The following MEI4 variants were observed in gnomAD, a reference collection of about 807,000 sequenced individuals.
MEI4 encodes the protein meiotic double-stranded break formation protein 4, also known as meiosis-specific protein MEI4.
A neutral mutation model predicts 31.4 loss-of-function variants in MEI4; 27 were observed. That is an observed-to-expected ratio of 0.86 (90% CI 0.63 to 1.19). The LOEUF (loss-of-function observed/expected upper bound fraction) is 1.19, where lower values mean the gene tolerates loss of function less well. Among genes scored for constraint, MEI4 ranks in the 50% most tolerant of loss-of-function variants. The pLI is 0.00. For synonymous variants in MEI4, 122 were observed against 145.4 expected (o/e 0.84, Z 1.16); for missense variants, 329 against 398.9 (o/e 0.82, Z 1.49).
At chr6:77,860,531 A>G (rs966028598) in intron 4 of MEI4, among the ~76,000 whole-genome samples, 67 of 152,286 alleles carry the variant, frequency 4.4e-4, no homozygotes, top group African/African-American at 1.5e-3. Flanking sequence ...AATAAACTAC[A>G]TTTCTTATTC....
At chr6:77,681,770 A>G (rs1025631874) in intron 1 of MEI4, among the ~76,000 whole-genome samples, 2 of 152,164 alleles carry the variant, frequency 1.3e-5, no homozygotes, top group African/African-American at 4.8e-5. Context: ...CATGATAGAT[A>G]GTTGATTTGT....
intron 3 of MEI4, among the ~76,000 whole-genome samples, chr6:77,789,636 C>G (rs979128623): frequency 6.6e-6 from 1 of 152,064 alleles, no homozygotes; most frequent in African/African-American, 2.4e-5. Context: ...TGTATGCAGC[C>G]AAAAGGCACA....
chr6:77,900,611 A>T (rs1395680344), intron 4 of MEI4, among the ~76,000 whole-genome samples: 1 of 151,986 alleles, frequency 6.6e-6, no homozygotes, highest in African/African-American at 2.4e-5. Flanking sequence ...AATACATGGC[A>T]TCTGTGATAG....
intron 4 of MEI4, among the ~76,000 whole-genome samples, chr6:77,909,139 T>G (rs1766370685): frequency 6.6e-6 from 1 of 152,032 alleles, no homozygotes; most frequent in African/African-American, 2.4e-5. Flanking sequence ...AGAACAGAAA[T>G]TATAATAAAA....
chr6:77,798,073 A>G (rs911084429), intron 3 of MEI4, among the ~76,000 whole-genome samples: 7 of 152,100 alleles, frequency 4.6e-5, no homozygotes, highest in Non-Finnish European at 1.0e-4. Context: ...AGTTTGCTTT[A>G]TTTTACTGAC....
chr6:77,901,581 T>C (rs1006098730), intron 4 of MEI4, among the ~76,000 whole-genome samples: 1 of 152,068 alleles, frequency 6.6e-6, no homozygotes, highest in Non-Finnish European at 1.5e-5. Context: ...TACTATTGAA[T>C]TGTTTGACTT....
At chr6:77,676,426 C>T (rs983028232) in intron 1 of MEI4, among the ~76,000 whole-genome samples, 2 of 151,940 alleles carry the variant, frequency 1.3e-5, no homozygotes, top group African/African-American at 2.4e-5. Context: ...ACTGGGAAGG[C>T]TGAGGTAGAA....
intron 3 of MEI4, among the ~76,000 whole-genome samples, chr6:77,783,363 A>T (rs370482245): frequency 4.6e-5 from 7 of 152,334 alleles, no homozygotes; most frequent in African/African-American, 1.7e-4. Context: ...AGCTTGTTTT[A>T]CTTTACAGAG....
intron 4 of MEI4, among the ~76,000 whole-genome samples, chr6:77,910,904 C>G (rs1478486700): frequency 6.8e-6 from 1 of 146,862 alleles, no homozygotes; most frequent in African/African-American, 2.5e-5. Context: ...TCCTTTTTAT[C>G]CACATTCTCA....
chr6:77,698,946 T>C (rs543449707), intron 2 of MEI4, among the ~76,000 whole-genome samples: 2 of 152,262 alleles, frequency 1.3e-5, no homozygotes, highest in East Asian at 3.9e-4. Context: ...GTCCCATATT[T>C]CTTGGAGGCT....
intron 2 of MEI4, among the ~76,000 whole-genome samples, chr6:77,730,345 T>C (rs191135326): frequency 2.0e-5 from 3 of 152,286 alleles, no homozygotes; most frequent in Admixed American, 1.3e-4. Context: ...CCTTATTCTA[T>C]AGGGCTGTGT....
At chr6:77,845,297 A>T (rs1770455359) in intron 4 of MEI4, among the ~76,000 whole-genome samples, 1 of 152,106 alleles carries the variant, frequency 6.6e-6, no homozygotes, top group Admixed American at 6.6e-5. Context: ...TATTGTTTCC[A>T]ACTTCCAAAG....
chr6:77,806,991 C>T (rs142715976), intron 3 of MEI4, among the ~76,000 whole-genome samples: 189 of 152,136 alleles, frequency 1.2e-3, no homozygotes, highest in South Asian at 3.7e-3. Flanking sequence ...AGATAACCAG[C>T]GTCATAGATG....
At chr6:77,712,031 A>G (rs1203572270) in intron 2 of MEI4, among the ~76,000 whole-genome samples, 1 of 152,094 alleles carries the variant, frequency 6.6e-6, no homozygotes, top group Non-Finnish European at 1.5e-5. Context: ...CCATTGATTC[A>G]CCTTGTAGAT....
rs536645643 is a variant in MEI4 at position 77,689,322 on chromosome 6, T to G, written c.-14-1336T>G. Reference sequence around the variant, plus strand: ...GGCTAAGTAATATTCATTTGTATAGTCATACTTTTATTAATTTAACTATTT... The same window carrying G: ...GGCTAAGTAATATTCATTTGTATAGGCATACTTTTATTAATTTAACTATTT... On this transcript the variant is annotated intron_variant, in intron 1 of 4. Coordinates refer to ENST00000684080, the MANE Select transcript of MEI4 (RefSeq NM_001322247.2). Among the ~76,000 whole-genome samples, 4 of 152,182 alleles carry G rather than the reference T, an allele frequency of 2.6e-5. No homozygotes were observed. In the East Asian group the frequency reaches 7.7e-4, roughly 29 times the overall value.
intron 4 of MEI4, among the ~76,000 whole-genome samples, chr6:77,874,231 C>A (rs1385996847): frequency 1.3e-5 from 2 of 152,132 alleles, no homozygotes; most frequent in African/African-American, 4.8e-5. Flanking sequence ...TTCTTCCTAC[C>A]CATGAGCATG....
At chr6:77,870,492 T>C (rs961405388) in intron 4 of MEI4, among the ~76,000 whole-genome samples, 1 of 152,210 alleles carries the variant, frequency 6.6e-6, no homozygotes, top group Non-Finnish European at 1.5e-5. Flanking sequence ...TATTACTGAA[T>C]GTCACTTTAC....
At chr6:77,922,167 C>T (rs898689798) in intron 4 of MEI4, among the ~76,000 whole-genome samples, 1 of 151,522 alleles carries the variant, frequency 6.6e-6, no homozygotes, top group Non-Finnish European at 1.5e-5. Context: ...TGTCTCAACT[C>T]TAAAAGAATG....
In MEI4 at chr6:77,773,986, T is replaced by C. The variant is rs142816810; in HGVS notation, c.768+12321T>C. Among the ~76,000 whole-genome samples the C allele has an allele frequency of 1.4e-3, 212 of 152,162 alleles. 1 individual carries two copies. The highest frequency in any genetic ancestry group is 4.5e-3 in the African/African-American group (186 of 41,534). ...AGATGTAATCTTACCCCAATTAAAA[T>C]GGCTTTTATTAAAAAGACAGATAAT... On this transcript the variant is annotated intron_variant, in intron 3 of 4. Transcript: ENST00000684080.
Sources: gnomAD v4.1 joint callset for allele counts (sites outside exome capture counted in the v4.1 genomes callset) on GRCh38, gnomAD v4.1.1 for gene constraint, MANE v1.5 for transcripts, NCBI Gene and HGNC (gene_info 2026-07-23, HGNC 2026-07-21) for gene names.